SIRT3: variants seen among roughly 807,000 people sequenced by gnomAD.
SIRT3 encodes the protein NAD-dependent protein deacetylase sirtuin-3, mitochondrial.
SIRT3 carries 26 observed loss-of-function variants against 33.5 expected under a neutral mutation model. That is an observed-to-expected ratio of 0.78 (90% CI 0.57 to 1.08). SIRT3 has a LOEUF of 1.08. SIRT3 is among the 50% of genes least tolerant of loss of function. The pLI is 0.00. For missense variants in SIRT3, 585 were observed against 530.1 expected (o/e 1.10, Z -1.02); for synonymous variants, 237 against 222.1 (o/e 1.07, Z -0.60).
chr11:218,982 G>A lies in SIRT3; in HGVS notation c.1029C>T (p.Ile343=), dbSNP rs202141668. The change falls in exon 6 of 7, where the codon ATC becomes ATT. Residue 343 remains isoleucine, a synonymous_variant. Transcript: ENST00000382743. ...CCAAGGGCCCCACCAAGTCCCGGTT[G>A]ATGAGCAGTCGGGGAACTGAGCTCC... is the stretch of plus-strand genomic sequence containing the variant. The part of the protein sequence containing the change: ...AVRSSVPRLL[I]NRDLVGPLAW... The A allele has an allele frequency of 1.7e-5, 27 of 1,614,174 alleles. No homozygotes were observed. The highest frequency in any genetic ancestry group is 2.2e-5 in the East Asian group (1 of 44,880).
chr11:220,799 G>A, intron 5 of SIRT3, among the ~76,000 whole-genome samples: 1 of 151,568 alleles, frequency 6.6e-6, no homozygotes, highest in African/African-American at 2.4e-5. Context: ...GTACTTGCAT[G>A]GGTAGATAAG....
At chr11:218,306 G>T (rs1038857430) in intron 6 of SIRT3, among the ~76,000 whole-genome samples, 1 of 152,236 alleles carries the variant, frequency 6.6e-6, no homozygotes, top group Non-Finnish European at 1.5e-5. Context: ...TGCATTTTCT[G>T]TAACTTCACT....
chr11:232,005 T>C (rs1417418861), intron 3 of SIRT3, among the ~76,000 whole-genome samples: 1 of 152,134 alleles, frequency 6.6e-6, no homozygotes, highest in Non-Finnish European at 1.5e-5. Flanking sequence ...TTGGGCACCA[T>C]ATGGATACGG....
In SIRT3 at chr11:224,190, A is replaced by G. The variant is rs1208700824; in HGVS notation, c.857T>C (p.Val286Ala). The G allele has an allele frequency of 6.2e-7, 1 of 1,614,146 alleles. No individual in the cohort carries two copies. The change falls in exon 5 of 7, where the codon GTT (valine) becomes GCT (alanine). Residue 286 changes from valine to alanine, a missense_variant. Transcript: ENST00000382743. Reference protein sequence around the residue: ...RVPRCPVCTGVVKPDIVFFGE... With the variant: ...RVPRCPVCTGAVKPDIVFFGE... ...AAAGAACACAATGTCGGGCTTCACA[A>G]CGCCGGTGCAGACCGGGCAGCGGGG... is the stretch of plus-strand genomic sequence containing the variant.
In SIRT3 at chr11:233,212, C is replaced by T. The variant is rs11555236; in HGVS notation, c.477G>A (p.Ser159=). The T allele has an allele frequency of 2.9e-5, 46 of 1,612,260 alleles. No homozygotes were observed. The highest frequency in any genetic ancestry group is 2.0e-4 in the South Asian group (18 of 91,024). The stretch of plus-strand genomic sequence containing the variant: ...GGTTGCTGTACAGGCCACTCCCCGG[C>T]GATCTGCAGGGAGAGAAGAAAGGCT... The part of the protein sequence containing the change: ...STPSGIPDFR[S]PGSGLYSNLQ... Residue 159 remains serine (S), a synonymous_variant, in exon 3 of 7, where the codon TCG becomes TCA. Coordinates refer to ENST00000382743, the MANE Select transcript of SIRT3 (RefSeq NM_012239.6).
chr11:234,738 T>C (rs1858688000), intron 1 of SIRT3, among the ~76,000 whole-genome samples: 1 of 151,724 alleles, frequency 6.6e-6, no homozygotes, highest in African/African-American at 2.4e-5. Context: ...TTAACAGTTT[T>C]GCAGAGTATC....
In SIRT3 at chr11:233,052, G is replaced by GAA; in HGVS notation, c.635_636dup (p.Leu213PhefsTer61). 6.2e-7 allele frequency: 1 copy of GAA among 1,614,184 alleles called. No homozygotes were observed. ...AGCCCCTTGTCATGAAGCAGCCGGAGAAAGTAGTGAGTGACGTTGGGCTTG... is the reference window on the plus strand; with the variant it reads ...AGCCCCTTGTCATGAAGCAGCCGGAGAAAAAGTAGTGAGTGACGTTGGGCTTG... On this transcript the variant is annotated frameshift_variant, in exon 3 of 7. Coordinates refer to ENST00000382743, the MANE Select transcript of SIRT3 (RefSeq NM_012239.6). LOFTEE classifies it high-confidence loss of function.
rs1305739169 is a variant in SIRT3, at chr11:233,022, G to A, written c.667C>T (p.Leu223=). The change falls in exon 3 of 7, where the codon CTG becomes TTG. Residue 223 remains leucine, a synonymous_variant. Coordinates refer to ENST00000382743, the MANE Select transcript of SIRT3 (RefSeq NM_012239.6). The part of the protein sequence containing the change: ...LRLLHDKGLL[L]RLYTQNIDGL... Reference sequence around the variant, plus strand: ...TCGATGTTCTGCGTGTAGAGCCGCAGAAGCAGCCCCTTGTCATGAAGCAGC... The same window carrying A: ...TCGATGTTCTGCGTGTAGAGCCGCAAAAGCAGCCCCTTGTCATGAAGCAGC... The A allele has an allele frequency of 5.6e-6, 9 of 1,613,936 alleles. No individual in the cohort carries two copies. The highest frequency in any genetic ancestry group is 5.9e-6 in the Non-Finnish European group (7 of 1,179,948).
In SIRT3 at chr11:218,968, A is replaced by T; in HGVS notation, c.1043T>A (p.Val348Glu). Residue 348 changes from valine to glutamate, a missense_variant, in exon 6 of 7, where the codon GTG (valine) becomes GAG (glutamate). Coordinates refer to ENST00000382743, the MANE Select transcript of SIRT3 (RefSeq NM_012239.6). ...GCGAGGATGCCAAGCCAAGGGCCCC[A>T]CCAAGTCCCGGTTGATGAGCAGTCG... Reference protein sequence around the residue: ...VPRLLINRDLVGPLAWHPRSR... With the variant: ...VPRLLINRDLEGPLAWHPRSR... 1 of 1,614,072 alleles carries T rather than the reference A, an allele frequency of 6.2e-7. No homozygotes were observed. Among genetic ancestry groups the T allele is most frequent in the Non-Finnish European group, 8.5e-7 (1 of 1,180,008 alleles).
At position 223,645 on chromosome 11, in the gene SIRT3, G is replaced by T; in HGVS notation, c.969+433C>A. ...CCATCCTTCTCCCTTCTCCTCACACGTGGTGCCCCACCCACACCTATACCA... is the reference window on the plus strand; with the variant it reads ...CCATCCTTCTCCCTTCTCCTCACACTTGGTGCCCCACCCACACCTATACCA... On this transcript the variant is annotated intron_variant, in intron 5 of 6. Transcript: ENST00000382743. The surrounding 1 kb of genome is among the most constrained non-coding windows in gnomAD (Gnocchi z 4.8). The T allele has an allele frequency of 3.0e-6, 1 of 328,580 alleles. No homozygotes were observed. Among genetic ancestry groups the T allele is most frequent in the Non-Finnish European group, 6.0e-6 (1 of 166,080 alleles). The allele number at this position is 328,580 out of a possible 1,614,324, so 20.4% of individuals were successfully genotyped here. A position where few individuals can be genotyped will look rare whatever the true frequency, so the allele number is the denominator to read the frequency against.
At chr11:220,000 T>C (rs1022185418) in intron 5 of SIRT3, among the ~76,000 whole-genome samples, 6 of 152,182 alleles carry the variant, frequency 3.9e-5, no homozygotes, top group Admixed American at 3.9e-4. Flanking sequence ...AAACATATAA[T>C]TTATGAACTA....
At chr11:229,494 G>A (rs1045583283) in intron 4 of SIRT3, among the ~76,000 whole-genome samples, 28 of 151,582 alleles carry the variant, frequency 1.8e-4, no homozygotes, top group African/African-American at 6.8e-4. Context: ...GGTGGCTCAC[G>A]CCTGTAATCT....
Position 216,153 on chromosome 11 carries a change from T to A in SIRT3, c.*545A>T, listed in dbSNP as rs928576619. Reference sequence around the variant, plus strand: ...ACACCTGCAGTCCCTTTGAGGAGACTAAATGTATTTCATGCTGGAAAGAAC... The same window carrying A: ...ACACCTGCAGTCCCTTTGAGGAGACAAAATGTATTTCATGCTGGAAAGAAC... On this transcript the variant is annotated 3_prime_UTR_variant, in exon 7 of 7. Coordinates refer to ENST00000382743, the MANE Select transcript of SIRT3 (RefSeq NM_012239.6). The A allele has an allele frequency of 6.5e-6, 1 of 153,468 alleles. No individual in the cohort carries two copies. Among genetic ancestry groups the A allele is most frequent in the African/African-American group, 2.4e-5 (1 of 41,460 alleles). The allele number at this position is 153,468 out of a possible 1,614,324, so 9.5% of individuals were successfully genotyped here.
rs768289126 is a variant in SIRT3 at position 223,860 on chromosome 11, C to G, written c.969+218G>C. On this transcript the variant is annotated intron_variant, in intron 5 of 6. Coordinates refer to ENST00000382743, the MANE Select transcript of SIRT3 (RefSeq NM_012239.6). The surrounding 1 kb of genome is among the most constrained non-coding windows in gnomAD (Gnocchi z 4.8). ...CCTCCCTGCACAGGCCTGCCGACAG[C>G]CCATGAGATGACTCCTGTACCCCTC... 1 of 344,168 alleles carries G rather than the reference C, an allele frequency of 2.9e-6. No individual in the cohort carries two copies. The highest frequency in any genetic ancestry group is 4.1e-5 in the Admixed American group (1 of 24,544). 21.3% of individuals were successfully genotyped at this position (344,168 alleles called of 1,614,324 possible). A position where few individuals can be genotyped will look rare whatever the true frequency, so the allele number is the denominator to read the frequency against.
chr11:226,615 G>T (rs949205070), intron 4 of SIRT3, among the ~76,000 whole-genome samples: 4 of 151,760 alleles, frequency 2.6e-5, no homozygotes, highest in African/African-American at 7.3e-5. Flanking sequence ...CACCATGTTG[G>T]CCAGGCTGGT....
Position 233,198 on chromosome 11 carries a change from AGGCCACTCCCCGGCGATCTGCAGG to A in SIRT3, c.474-7_490del. 6.2e-7 allele frequency: 1 copy of A among 1,613,890 alleles called. No individual in the cohort carries two copies. The highest frequency in any genetic ancestry group is 1.1e-5 in the South Asian group (1 of 91,070). On this transcript the variant is annotated splice_acceptor_variant and splice_polypyrimidine_tract_variant and coding_sequence_variant and intron_variant, in exon 3 of 7. Transcript: ENST00000382743. LOFTEE classifies it high-confidence loss of function. ...ATCGTACTGCTGGAGGTTGCTGTAC[AGGCCACTCCCCGGCGATCTGCAGG>A]GAGAGAAGAAAGGCTCTGAGGCCTT...
chr11:216,464 C>A lies in SIRT3; in HGVS notation c.*234G>T, dbSNP rs118011814. ...AGAGTGAAGAGTTCAACACAGCAAA[C>A]AGGCAGGCAGCTCCTTTGTATATGT... is the stretch of plus-strand genomic sequence containing the variant. On this transcript the variant is annotated 3_prime_UTR_variant, in exon 7 of 7. Transcript: ENST00000382743. The A allele has an allele frequency of 1.5e-3, 847 of 551,092 alleles. 1 individual carries two copies. The highest frequency in any genetic ancestry group is 2.5e-3 in the Non-Finnish European group (768 of 308,778). The allele number at this position is 551,092 out of a possible 1,614,324, so 34.1% of individuals were successfully genotyped here. A position where few individuals can be genotyped will look rare whatever the true frequency, so the allele number is the denominator to read the frequency against.
chr11:226,754 A>ATT lies in SIRT3; in HGVS notation c.808-2517_808-2516dup, dbSNP rs1483012577. ...TTAAGGAAGGCCTACAATTATTATT[A>ATT]TTATTTTTTTTTTTTTGAGATGGAG... On this transcript the variant is annotated intron_variant, in intron 4 of 6. Transcript: ENST00000382743. Among the ~76,000 whole-genome samples, 4 of 78,588 alleles carry ATT rather than the reference A, an allele frequency of 5.1e-5. No homozygotes were observed. The Admixed American group carries it at 5.3e-4, about 10-fold the overall frequency. 51.6% of individuals were successfully genotyped at this position (78,588 alleles called of 152,430 possible). A position where few individuals can be genotyped will look rare whatever the true frequency, so the allele number is the denominator to read the frequency against.
At position 232,998 on chromosome 11, in the gene SIRT3, C is replaced by G. The variant is rs752478762; in HGVS notation, c.691G>C (p.Asp231His). ...LLLRLYTQNI[D>H]GLERVSGIPA... ...GAGGGCTCACCTCTCTCAAGCCCAT[C>G]GATGTTCTGCGTGTAGAGCCGCAGA... is the stretch of plus-strand genomic sequence containing the variant. The change falls in exon 3 of 7, where the codon GAT (aspartate) becomes CAT (histidine). Residue 231 changes from aspartate (D) to histidine (H), a missense_variant. Physicochemically the swap from Asp to His is moderately conservative, Grantham distance 81. Coordinates refer to ENST00000382743, the MANE Select transcript of SIRT3 (RefSeq NM_012239.6). The G allele has an allele frequency of 2.5e-6, 4 of 1,613,924 alleles. No homozygotes were observed. The African/African-American group carries it at 5.3e-5, about 22-fold the overall frequency.
Sources: gnomAD v4.1 joint callset for allele counts (sites outside exome capture counted in the v4.1 genomes callset) on GRCh38, gnomAD v4.1.1 for gene constraint, Gnocchi (gnomAD v3.1) non-coding constraint, MANE v1.5 for transcripts, NCBI Gene and HGNC (gene_info 2026-07-23, HGNC 2026-07-21) for gene names.